GLIS3: variants seen among roughly 807,000 people sequenced by gnomAD.
The protein encoded by GLIS3 is GLIS family zinc finger 3.
A neutral mutation model predicts 78.6 loss-of-function variants in GLIS3; 53 were observed. The ratio of observed to expected loss-of-function variants is 0.67; its 90% CI spans 0.54 to 0.85. The LOEUF is 0.85. Ranked by LOEUF, GLIS3 falls within the 40% of genes least tolerant of loss-of-function variation. GLIS3 has a pLI of 0.00. For missense variants in GLIS3, 1,703 were observed against 1,231.1 expected (o/e 1.38, Z -5.74); for synonymous variants, 684 against 509.9 (o/e 1.34, Z -4.60).
chr9:4,362,248 A>C, the GLIS3 span, among the ~76,000 whole-genome samples: 56,246 of 151,476 alleles, frequency 0.37, 10,603 homozygotes, highest in South Asian at 0.46. Context: ...TTTTTTCCTT[A>C]CTTCTTTCCT....
At chr9:3,924,039 G>A (rs1156433115) in intron 6 of GLIS3, among the ~76,000 whole-genome samples, 1 of 152,194 alleles carries the variant, frequency 6.6e-6, no homozygotes, top group African/African-American at 2.4e-5. Context: ...CATGGTCTAT[G>A]AGCCCCAAGT....
intron 2 of GLIS3, among the ~76,000 whole-genome samples, chr9:4,231,974 T>G (rs1332157768): frequency 6.6e-6 from 1 of 152,238 alleles, no homozygotes; most frequent in Admixed American, 6.5e-5. Context: ...CAATACTTTT[T>G]TTGGGTAACC....
chr9:4,214,425 C>G (rs1368869902), intron 2 of GLIS3, among the ~76,000 whole-genome samples: 1 of 152,190 alleles, frequency 6.6e-6, no homozygotes, highest in Non-Finnish European at 1.5e-5. Flanking sequence ...TCTCCATCGG[C>G]ACGTATGTCT....
chr9:4,244,926 A>C (rs1157846467), intron 2 of GLIS3, among the ~76,000 whole-genome samples: 1 of 152,194 alleles, frequency 6.6e-6, no homozygotes. Flanking sequence ...GTGGTTTACA[A>C]ATATTTTTAA....
intron 9 of GLIS3, among the ~76,000 whole-genome samples, chr9:3,850,438 A>G (rs1263202976): frequency 2.0e-5 from 3 of 152,336 alleles, no homozygotes; most frequent in East Asian, 1.9e-4. Flanking sequence ...TTTGTCTAGG[A>G]AAGACTGTAT....
the GLIS3 span, among the ~76,000 whole-genome samples, chr9:4,448,978 G>C: frequency 6.6e-6 from 1 of 152,188 alleles, no homozygotes; most frequent in East Asian, 1.9e-4. Flanking sequence ...TGGACAGTGG[G>C]TGCAGCCTAT....
chr9:4,122,697 A>T (rs1832279188), intron 3 of GLIS3, among the ~76,000 whole-genome samples: 1 of 152,224 alleles, frequency 6.6e-6, no homozygotes, highest in South Asian at 2.1e-4. Flanking sequence ...GCATGTGAAA[A>T]CACTAGAAAA....
chr9:3,855,933 G>T (rs748815230), intron 9 of GLIS3, 76 bp downstream of exon 9: 16 of 1,501,834 alleles, frequency 1.1e-5, no homozygotes, highest in South Asian at 2.3e-5. Flanking sequence ...TGAAATCCAC[G>T]ACAGGTAACT....
chr9:4,205,930 G>A (rs768978793), intron 2 of GLIS3, among the ~76,000 whole-genome samples: 1 of 152,174 alleles, frequency 6.6e-6, no homozygotes, highest in African/African-American at 2.4e-5. Context: ...ATCAGGTGTG[G>A]TCAACAGGAT....
intron 4 of GLIS3, among the ~76,000 whole-genome samples, chr9:4,086,389 T>C (rs1180731676): frequency 1.3e-5 from 2 of 152,342 alleles, no homozygotes; most frequent in East Asian, 3.9e-4. Flanking sequence ...ATATGTCATA[T>C]TCCAAGCCAT....
the GLIS3 span, chr9:4,386,265 T>G: frequency 6.6e-6 from 1 of 152,192 alleles, no homozygotes; most frequent in Admixed American, 6.5e-5. Flanking sequence ...TAATAAAAAT[T>G]GTGTCTATAC....
At chr9:4,470,551 A>G in the GLIS3 span, among the ~76,000 whole-genome samples, 3 of 152,220 alleles carry the variant, frequency 2.0e-5, no homozygotes, top group African/African-American at 7.2e-5. Flanking sequence ...ACAAAATTCA[A>G]CAATCTTCAT....
the GLIS3 span, among the ~76,000 whole-genome samples, chr9:4,467,354 G>A: frequency 6.6e-6 from 1 of 152,164 alleles, no homozygotes; most frequent in Non-Finnish European, 1.5e-5. Context: ...CCCTGAGCCC[G>A]AGTAGTATAA....
chr9:3,984,880 G>A (rs1350165924), intron 4 of GLIS3, among the ~76,000 whole-genome samples: 1 of 152,110 alleles, frequency 6.6e-6, no homozygotes. Context: ...AGATCTGATG[G>A]TTTTCAAAGT....
At chr9:3,839,904 C>T (rs1215377248) in intron 9 of GLIS3, among the ~76,000 whole-genome samples, 1 of 152,084 alleles carries the variant, frequency 6.6e-6, no homozygotes, top group Non-Finnish European at 1.5e-5. Flanking sequence ...ATTCTACAAA[C>T]CCTGAAGTGT....
At chr9:3,987,411 G>T (rs1355516768) in intron 4 of GLIS3, among the ~76,000 whole-genome samples, 3 of 151,950 alleles carry the variant, frequency 2.0e-5, no homozygotes, top group Admixed American at 6.6e-5. Flanking sequence ...AGTATATAAA[G>T]AAATAATGGG....
intron 5 of GLIS3, 108 bp from the exon 6 acceptor site, chr9:3,932,578 A>G: frequency 1.2e-6 from 1 of 810,848 alleles, no homozygotes; most frequent in Admixed American, 1.8e-5. Flanking sequence ...TTACCAATTG[A>G]CTGATGTGAA....
chr9:3,836,393 G>A (rs1228531500), intron 9 of GLIS3, among the ~76,000 whole-genome samples: 1 of 152,196 alleles, frequency 6.6e-6, no homozygotes, highest in Admixed American at 6.5e-5. Flanking sequence ...AGCGATTTTG[G>A]CCCCAGTCAT....
intron 4 of GLIS3, among the ~76,000 whole-genome samples, chr9:3,946,288 T>C (rs574046627): frequency 1.7e-3 from 263 of 152,370 alleles, no homozygotes; most frequent in South Asian, 7.2e-3. Context: ...GGTACAGTGC[T>C]TGGCATATAC....
Sources: gnomAD v4.1 joint callset for allele counts (sites outside exome capture counted in the v4.1 genomes callset) on GRCh38, gnomAD v4.1.1 for gene constraint, MANE v1.5 for transcripts, NCBI Gene and HGNC (gene_info 2026-07-23, HGNC 2026-07-21) for gene names.